The following ANKRD31 variants were observed in gnomAD, a reference collection of about 807,000 sequenced individuals.
ANKRD31 encodes the protein ankyrin repeat domain-containing protein 31.
In ANKRD31, 147 loss-of-function variants were observed where a neutral mutation model predicts 186.0. The ratio of observed to expected loss-of-function variants is 0.79; its 90% CI spans 0.69 to 0.91. The LOEUF is 0.91. ANKRD31 is among the 40% of genes least tolerant of loss of function. ANKRD31 has a pLI of 0.00. For synonymous variants in ANKRD31, 673 were observed against 736.4 expected (o/e 0.91, Z 1.39); for missense variants, 1,986 against 2,148.8 (o/e 0.92, Z 1.50).
intron 11 of ANKRD31, among the ~76,000 whole-genome samples, chr5:75,164,368 A>C (rs1448802762): frequency 6.6e-6 from 1 of 152,202 alleles, no homozygotes; most frequent in African/African-American, 2.4e-5. Context: ...TATTATTTTA[A>C]GTTTTGTGGT....
chr5:75,114,147 G>C (rs1268539722), intron 19 of ANKRD31, among the ~76,000 whole-genome samples: 5 of 151,834 alleles, frequency 3.3e-5, no homozygotes, highest in African/African-American at 1.2e-4. Flanking sequence ...TTTTTCAAAA[G>C]TTACCTTTAC....
chr5:75,140,575 T>C (rs568864763), intron 15 of ANKRD31, among the ~76,000 whole-genome samples: 11 of 152,336 alleles, frequency 7.2e-5, no homozygotes, highest in South Asian at 2.1e-4. Context: ...TTCTCTTGAA[T>C]AGCTTGCTTC....
chr5:75,232,688 C>T (rs1358294865), intron 1 of ANKRD31, among the ~76,000 whole-genome samples: 1 of 151,996 alleles, frequency 6.6e-6, no homozygotes, highest in East Asian at 1.9e-4. Context: ...AAACTCAGAA[C>T]CATACTCTTA....
intron 14 of ANKRD31, among the ~76,000 whole-genome samples, chr5:75,144,638 A>T (rs2150141068): frequency 6.6e-6 from 1 of 152,272 alleles, no homozygotes; most frequent in East Asian, 1.9e-4. Context: ...AAACCATAAA[A>T]ACCCTAGAAG....
At chr5:75,112,959 G>T (rs1008079252) in intron 19 of ANKRD31, among the ~76,000 whole-genome samples, 39 of 152,254 alleles carry the variant, frequency 2.6e-4, no homozygotes, top group African/African-American at 8.9e-4. Flanking sequence ...TTCACTTTAA[G>T]GCCTTATGAT....
chr5:75,217,969 A>C (rs1457351986), intron 3 of ANKRD31, among the ~76,000 whole-genome samples: 3 of 152,092 alleles, frequency 2.0e-5, no homozygotes, highest in African/African-American at 7.2e-5. Context: ...GAATTCCCTG[A>C]GCATTTGCTT....
chr5:75,208,129 G>A (rs992904607), intron 4 of ANKRD31, among the ~76,000 whole-genome samples: 1 of 152,046 alleles, frequency 6.6e-6, no homozygotes, highest in African/African-American at 2.4e-5. Flanking sequence ...TTTAATGTGT[G>A]GCTTAATGAA....
rs570172821 is a variant in ANKRD31 at position 75,174,433 on chromosome 5, AAC to A, written c.1565-5314_1565-5313del. Among the ~76,000 whole-genome samples the A allele has an allele frequency of 3.1e-3, 477 of 152,284 alleles. 2 individuals carry two copies. Among genetic ancestry groups the A allele is most frequent in the African/African-American group, 0.011 (453 of 41,576 alleles). On this transcript the variant is annotated intron_variant, in intron 10 of 25. Coordinates refer to ENST00000506364, the MANE Select transcript of ANKRD31 (RefSeq NM_001372053.1). ...AGGAAAAGAAACTACCATCAGAGTG[AAC>A]AGTGAACAGGCAACCTACAGAATGG...
chr5:75,233,130 G>A (rs116467589), intron 1 of ANKRD31, among the ~76,000 whole-genome samples: 3,926 of 150,260 alleles, frequency 0.026, 155 homozygotes, highest in African/African-American at 0.091. Context: ...TGATATAATC[G>A]CAGCTTACTG....
intron 9 of ANKRD31, among the ~76,000 whole-genome samples, chr5:75,191,096 A>G (rs1755079950): frequency 1.3e-5 from 2 of 152,116 alleles, no homozygotes; most frequent in East Asian, 1.9e-4. Context: ...GACTTTCTCC[A>G]CACCAAGGTT....
chr5:75,140,838 G>A (rs1338710515), intron 15 of ANKRD31, among the ~76,000 whole-genome samples: 3 of 152,144 alleles, frequency 2.0e-5, no homozygotes, highest in Non-Finnish European at 4.4e-5. Context: ...ACAATCACAT[G>A]AGCTTGAAAG....
chr5:75,192,388 G>T (rs1464075338), intron 9 of ANKRD31, among the ~76,000 whole-genome samples: 1 of 152,066 alleles, frequency 6.6e-6, no homozygotes, highest in East Asian at 1.9e-4. Flanking sequence ...ATAGCCATAT[G>T]CTAGGTTAGT....
chr5:75,145,870 C>T, intron 14 of ANKRD31, 117 bp downstream of exon 14: 1 of 906,192 alleles, frequency 1.1e-6, no homozygotes, highest in Non-Finnish European at 1.6e-6. Context: ...AAATATGGCC[C>T]ACATGTCCTC....
chr5:75,118,002 T>C (rs993820313), intron 18 of ANKRD31, 133 bp downstream of exon 18: 4 of 662,236 alleles, frequency 6.0e-6, no homozygotes, highest in African/African-American at 5.6e-5. Flanking sequence ...AAATAAATAA[T>C]GGCTTTTGAA....
rs1252811284 is a variant in ANKRD31 at position 75,147,052 on chromosome 5, T to C, written c.2359A>G (p.Thr787Ala). 6.5e-7 allele frequency: 1 copy of C among 1,536,190 alleles called. No homozygotes were observed. The highest frequency in any genetic ancestry group is 2.4e-5 in the East Asian group (1 of 40,882). The change falls in exon 14 of 26, where the codon ACT becomes GCT. Residue 787 changes from threonine (T) to alanine (A), a missense_variant. Transcript: ENST00000506364. ...AATCCATTTCTCAGGCTTGACAGAG[T>C]TAAGCTGGAAGGTTCACACAATTCT... ...PEELCEPSSLTLSSLRNGLDS... is the reference protein window; with the variant it reads ...PEELCEPSSLALSSLRNGLDS...
At chr5:75,225,985 C>T (rs1426813739) in intron 2 of ANKRD31, among the ~76,000 whole-genome samples, 2 of 152,138 alleles carry the variant, frequency 1.3e-5, no homozygotes, top group African/African-American at 2.4e-5. Flanking sequence ...GACTGAAGAG[C>T]CCTAGGGCAT....
chr5:75,131,770 G>T (rs1042704825), intron 17 of ANKRD31, among the ~76,000 whole-genome samples: 4 of 151,298 alleles, frequency 2.6e-5, no homozygotes, highest in African/African-American at 4.8e-5. Flanking sequence ...ATTAGGGGCC[G>T]ACTGACACCT....
chr5:75,188,965 A>C (rs750431339), intron 9 of ANKRD31, among the ~76,000 whole-genome samples: 1 of 152,190 alleles, frequency 6.6e-6, no homozygotes, highest in Non-Finnish European at 1.5e-5. Flanking sequence ...ACTAACAGAT[A>C]ATCTTCTTAA....
chr5:75,134,314 A>AC lies in ANKRD31; in HGVS notation c.3876+3541_3876+3542insG, dbSNP rs1018228783. 5.9e-4 allele frequency among the ~76,000 whole-genome samples: 90 copies of AC among 152,258 alleles called. 1 individual carries two copies. The highest frequency in any genetic ancestry group is 2.1e-3 in the African/African-American group (86 of 41,576). On this transcript the variant is annotated intron_variant, in intron 17 of 25. Coordinates refer to ENST00000506364, the MANE Select transcript of ANKRD31 (RefSeq NM_001372053.1). ...GAGAGAAGAATCAAATAGACACAATAAAAATGATAAAGGTGATATCACCAC... is the reference window on the plus strand; with the variant it reads ...GAGAGAAGAATCAAATAGACACAATACAAAATGATAAAGGTGATATCACCAC...
Sources: gnomAD v4.1 joint callset for allele counts (sites outside exome capture counted in the v4.1 genomes callset) on GRCh38, gnomAD v4.1.1 for gene constraint, MANE v1.5 for transcripts, NCBI Gene and HGNC (gene_info 2026-07-23, HGNC 2026-07-21) for gene names.